The following XPO4 variants were observed in gnomAD, a reference collection of about 807,000 sequenced individuals.
XPO4 encodes the protein exportin 4.
Under a neutral mutation model 143.0 loss-of-function variants are expected in XPO4, and 39 were observed. The observed-to-expected ratio is 0.27, with a 90% CI of 0.21 to 0.36. The LOEUF (loss-of-function observed/expected upper bound fraction) is 0.36. Ranked by LOEUF, XPO4 falls within the 10% of genes least tolerant of loss-of-function variation. XPO4 has a pLI of 1.00. For synonymous variants in XPO4, 439 were observed against 474.0 expected (o/e 0.93, Z 0.96); for missense variants, 907 against 1,348.0 (o/e 0.67, Z 5.12).
chr13:20,837,659 G>A (rs974498776), intron 6 of XPO4, among the ~76,000 whole-genome samples: 2 of 152,180 alleles, frequency 1.3e-5, no homozygotes, highest in African/African-American at 4.8e-5. Flanking sequence ...AAAAGAAAGA[G>A]ATTTAATTGG....
intron 1 of XPO4, among the ~76,000 whole-genome samples, chr13:20,892,866 G>A (rs1377558855): frequency 6.7e-6 from 1 of 148,856 alleles, no homozygotes; most frequent in African/African-American, 2.5e-5. Context: ...CTGGGTTTTA[G>A]AGTAACTCCA....
intron 9 of XPO4, among the ~76,000 whole-genome samples, chr13:20,811,072 C>A (rs2059575817): frequency 6.6e-6 from 1 of 152,036 alleles, no homozygotes; most frequent in Non-Finnish European, 1.5e-5. Flanking sequence ...CTACAAAGGT[C>A]AGGAGGCAAG....
intron 7 of XPO4, among the ~76,000 whole-genome samples, chr13:20,824,306 C>T (rs1192319795): frequency 1.3e-5 from 2 of 152,084 alleles, no homozygotes; most frequent in African/African-American, 2.4e-5. Flanking sequence ...TGTCACGATG[C>T]CTTAGAATCT....
chr13:20,788,812 A>G (rs2059240594), intron 19 of XPO4, among the ~76,000 whole-genome samples, 196 bp from the exon 20 acceptor site: 1 of 152,268 alleles, frequency 6.6e-6, no homozygotes, highest in East Asian at 1.9e-4. Flanking sequence ...AGTAACTACT[A>G]TGAAACAAAG....
chr13:20,790,595 GGA>G lies in XPO4; in HGVS notation c.2798-17_2798-16del, dbSNP rs779741554. ...AAACACTTCATCTATTAAAATAAAAGGATGCAGGCTTATGGTGGTAACATCAA... is the reference window on the plus strand; with the variant it reads ...AAACACTTCATCTATTAAAATAAAAGTGCAGGCTTATGGTGGTAACATCAA... On this transcript the variant is annotated splice_polypyrimidine_tract_variant and intron_variant, in intron 18 of 22. Transcript: ENST00000255305. 8.8e-6 allele frequency: 14 copies of G among 1,597,262 alleles called. No homozygotes were observed. Among genetic ancestry groups the G allele is most frequent in the Non-Finnish European group, 1.2e-5 (14 of 1,165,412 alleles).
chr13:20,873,051 G>A (rs1446948189), intron 1 of XPO4, among the ~76,000 whole-genome samples: 1 of 148,986 alleles, frequency 6.7e-6, no homozygotes, highest in African/African-American at 2.5e-5. Context: ...CAGAAGGATT[G>A]GAAGCAATAG....
intron 2 of XPO4, chr13:20,866,155 A>G: frequency 1.0e-6 from 1 of 985,378 alleles, no homozygotes; most frequent in South Asian, 4.7e-5. Flanking sequence ...TTAAATTACT[A>G]AGTGCCAAAG....
intron 4 of XPO4, 149 bp downstream of exon 4, chr13:20,855,478 A>G: frequency 3.8e-6 from 3 of 794,178 alleles, no homozygotes; most frequent in Non-Finnish European, 5.2e-6. Context: ...AAAAAAAAAG[A>G]CTAGAAGAAA....
chr13:20,835,522 A>G (rs1295651725), intron 6 of XPO4, among the ~76,000 whole-genome samples: 2 of 152,118 alleles, frequency 1.3e-5, no homozygotes, highest in African/African-American at 2.4e-5. Context: ...CTCAACATCT[A>G]TGTCATTGGC....
At chr13:20,896,870 T>TAAC (rs1364585184) in intron 1 of XPO4, among the ~76,000 whole-genome samples, 7 of 152,192 alleles carry the variant, frequency 4.6e-5, no homozygotes, top group Non-Finnish European at 1.0e-4. Flanking sequence ...ATTCCTAGTT[T>TAAC]ATCCAATTGT....
intron 19 of XPO4, 89 bp downstream of exon 19, chr13:20,790,372 TA>T: frequency 9.5e-7 from 1 of 1,051,564 alleles, no homozygotes; most frequent in Non-Finnish European, 1.5e-6. Flanking sequence ...ATACAACTAC[TA>T]AATTAAATCA....
chr13:20,800,651 G>A lies in XPO4; in HGVS notation c.1977+180C>T, dbSNP rs149471821. Among the ~76,000 whole-genome samples, 380 of 151,966 alleles carry A rather than the reference G, an allele frequency of 2.5e-3. 1 individual carries two copies. The highest frequency in any genetic ancestry group is 6.9e-3 in the South Asian group (33 of 4,792). ...AGCAGTTAAAATAAACGATATCAAG[G>A]GATGTGCTCAAAAACACATTAAAAC... On this transcript the variant is annotated intron_variant, in intron 14 of 22. Transcript: ENST00000255305.
At chr13:20,902,141 G>C in intron 1 of XPO4, 1 of 985,322 alleles carries the variant, frequency 1.0e-6, no homozygotes, top group Non-Finnish European at 1.2e-6. Context: ...CAGCCGGCCC[G>C]GCCCTTCCAC....
intron 1 of XPO4, among the ~76,000 whole-genome samples, chr13:20,888,434 T>C (rs1469328752): frequency 6.6e-6 from 1 of 152,150 alleles, no homozygotes; most frequent in East Asian, 1.9e-4. Context: ...CACTGCAACT[T>C]TGACCTCCCA....
chr13:20,863,240 A>C (rs2060217144), intron 2 of XPO4: 1 of 390,690 alleles, frequency 2.6e-6, no homozygotes. Flanking sequence ...ACATTTTAAT[A>C]AACTAGTCAT....
intron 1 of XPO4, among the ~76,000 whole-genome samples, chr13:20,880,078 A>G (rs2060392392): frequency 6.6e-6 from 1 of 152,200 alleles, no homozygotes; most frequent in Non-Finnish European, 1.5e-5. Context: ...GAGGATGTGG[A>G]GAAACTGGAA....
At chr13:20,883,224 T>C (rs2060430092) in intron 1 of XPO4, among the ~76,000 whole-genome samples, 1 of 152,258 alleles carries the variant, frequency 6.6e-6, no homozygotes, top group African/African-American at 2.4e-5. Flanking sequence ...TGAGTGTTTC[T>C]TGGCAGGCCT....
intron 1 of XPO4, among the ~76,000 whole-genome samples, chr13:20,882,109 C>CAAA (rs35404161): frequency 4.5e-4 from 42 of 93,324 alleles, no homozygotes; most frequent in African/African-American, 1.4e-3. Context: ...GACTCGGTCT[C>CAAA]AAAAAAAAAA....
At chr13:20,886,179 C>T (rs1012855221) in intron 1 of XPO4, among the ~76,000 whole-genome samples, 2 of 152,100 alleles carry the variant, frequency 1.3e-5, no homozygotes, top group Admixed American at 6.6e-5. Flanking sequence ...TAAGGCATAT[C>T]CAAACAAATT....
Sources: gnomAD v4.1 joint callset for allele counts (sites outside exome capture counted in the v4.1 genomes callset) on GRCh38, gnomAD v4.1.1 for gene constraint, MANE v1.5 for transcripts, NCBI Gene and HGNC (gene_info 2026-07-23, HGNC 2026-07-21) for gene names.